Variants in CDH18 observed in about 807,000 individuals in gnomAD.
CDH18 encodes the protein cadherin 18, also known as cadherin-18.
Under a neutral mutation model 67.9 loss-of-function variants are expected in CDH18, and 31 were observed. The ratio of observed to expected loss-of-function variants is 0.46; its 90% CI spans 0.34 to 0.62. CDH18 has a LOEUF of 0.62. Ranked by LOEUF, CDH18 falls within the 20% of genes least tolerant of loss-of-function variation. The probability of loss-of-function intolerance (pLI) is 0.01; values close to 1 mark genes in which losing one functional copy is unlikely to be tolerated. For missense variants in CDH18, 890 were observed against 975.5 expected (o/e 0.91, Z 1.17); for synonymous variants, 362 against 347.2 (o/e 1.04, Z -0.48).
chr5:19,606,251 A>T (rs1748016054), intron 6 of CDH18, among the ~76,000 whole-genome samples: 1 of 152,074 alleles, frequency 6.6e-6, no homozygotes, highest in African/African-American at 2.4e-5. Context: ...ACAATCATGA[A>T]CCTCTGCAAC....
intron 3 of CDH18, among the ~76,000 whole-genome samples, chr5:19,801,932 T>G (rs1777517039): frequency 6.6e-6 from 1 of 152,168 alleles, no homozygotes; most frequent in African/African-American, 2.4e-5. Flanking sequence ...CCATTCTCTA[T>G]CTAAATGTTT....
chr5:19,890,641 C>T lies in CDH18; in HGVS notation c.-256-51399G>A, dbSNP rs546246924. On this transcript the variant is annotated intron_variant, in intron 2 of 12. Transcript: ENST00000382275. ...ACAAAGTCTTGCTCTGTCGCCCAGGCAGGAGTGCAGTGGCATAATCTTGGC... is the reference window on the plus strand; with the variant it reads ...ACAAAGTCTTGCTCTGTCGCCCAGGTAGGAGTGCAGTGGCATAATCTTGGC... 4.7e-5 allele frequency among the ~76,000 whole-genome samples: 7 copies of T among 150,146 alleles called. No homozygotes were observed. In the East Asian group the frequency reaches 1.2e-3, roughly 25 times the overall value.
At chr5:20,283,792 A>G (rs1319296788) in intron 1 of CDH18, among the ~76,000 whole-genome samples, 2 of 152,112 alleles carry the variant, frequency 1.3e-5, no homozygotes, top group Non-Finnish European at 2.9e-5. Flanking sequence ...GCAAAGATAT[A>G]TCAGCACTCC....
At chr5:20,425,216 A>T (rs998501819) in intron 1 of CDH18, among the ~76,000 whole-genome samples, 1 of 150,662 alleles carries the variant, frequency 6.6e-6, no homozygotes, top group Non-Finnish European at 1.5e-5. Context: ...AGATACAAAA[A>T]ATTAGCTGGG....
At chr5:20,354,399 C>G (rs1741440659) in intron 1 of CDH18, among the ~76,000 whole-genome samples, 2 of 152,138 alleles carry the variant, frequency 1.3e-5, no homozygotes, top group African/African-American at 4.8e-5. Context: ...TATGCTCTTA[C>G]TTAATTCCTG....
At chr5:20,510,724 C>T (rs1754980311) in intron 1 of CDH18, among the ~76,000 whole-genome samples, 1 of 151,912 alleles carries the variant, frequency 6.6e-6, no homozygotes, top group South Asian at 2.1e-4. Context: ...CTAGAGCTAC[C>T]AGTTTAACTA....
At chr5:19,634,292 C>T (rs1752799771) in intron 5 of CDH18, among the ~76,000 whole-genome samples, 1 of 152,072 alleles carries the variant, frequency 6.6e-6, no homozygotes, top group Admixed American at 6.5e-5. Flanking sequence ...ATTTCCCCAC[C>T]AGATAACTAG....
Position 20,164,918 on chromosome 5 carries a change from T to C in CDH18, c.-518+90526A>G, listed in dbSNP as rs1486352552. Reference sequence around the variant, plus strand: ...ATAAGCTTCATCTGCACCATTCTTATTTGCAGGTGCCTTTTTACTTCCTGA... The same window carrying C: ...ATAAGCTTCATCTGCACCATTCTTACTTGCAGGTGCCTTTTTACTTCCTGA... On this transcript the variant is annotated intron_variant, in intron 2 of 14. Coordinates refer to the CDH18 transcript ENST00000507958. Among the ~76,000 whole-genome samples, 13 of 152,270 alleles carry C rather than the reference T, an allele frequency of 8.5e-5. 1 individual carries two copies. In the East Asian group the frequency reaches 2.3e-3, roughly 27 times the overall value.
chr5:20,401,101 T>C (rs1416933773), intron 1 of CDH18, among the ~76,000 whole-genome samples: 1 of 152,204 alleles, frequency 6.6e-6, no homozygotes, highest in East Asian at 1.9e-4. Flanking sequence ...TTTTCCAGTG[T>C]TTTTGAATTG....
intron 1 of CDH18, among the ~76,000 whole-genome samples, chr5:20,363,125 A>G (rs1742218638): frequency 6.6e-6 from 1 of 152,190 alleles, no homozygotes; most frequent in Admixed American, 6.5e-5. Flanking sequence ...AACAAATTCA[A>G]CTGGTCTCAG....
chr5:20,287,748 A>G (rs1230856155), intron 1 of CDH18, among the ~76,000 whole-genome samples: 2 of 150,604 alleles, frequency 1.3e-5, no homozygotes, highest in Non-Finnish European at 3.0e-5. Flanking sequence ...TTTATTTTTT[A>G]GCACTATAGA....
chr5:20,322,857 T>C (rs1474459247), intron 1 of CDH18, among the ~76,000 whole-genome samples: 1 of 152,098 alleles, frequency 6.6e-6, no homozygotes, highest in Non-Finnish European at 1.5e-5. Flanking sequence ...AATAGAATAA[T>C]CAAGAGAATT....
chr5:19,679,136 G>T (rs1759903334), intron 5 of CDH18, among the ~76,000 whole-genome samples: 1 of 152,052 alleles, frequency 6.6e-6, no homozygotes, highest in East Asian at 1.9e-4. Context: ...ATGCAAATTT[G>T]GTTCAACATA....
intron 5 of CDH18, among the ~76,000 whole-genome samples, chr5:19,657,085 A>C (rs897987950): frequency 6.6e-6 from 1 of 152,008 alleles, no homozygotes; most frequent in Non-Finnish European, 1.5e-5. Flanking sequence ...CAAGGTTAGG[A>C]CAGTGCTAAT....
rs1447472900 is a variant in CDH18 at position 19,606,513 on chromosome 5, G to A, written c.811+5921C>T. Reference sequence around the variant, plus strand: ...CAAATAAAAATTTTAGAACAAAAATGTCAATGCTGAAGTGTGTACTTAATA... The same window carrying A: ...CAAATAAAAATTTTAGAACAAAAATATCAATGCTGAAGTGTGTACTTAATA... On this transcript the variant is annotated intron_variant, in intron 6 of 12. Transcript: ENST00000382275. Among the ~76,000 whole-genome samples the A allele has an allele frequency of 2.0e-5, 3 of 151,938 alleles. No homozygotes were observed. The East Asian group carries it at 5.8e-4, about 29-fold the overall frequency.
chr5:20,424,632 C>T, intron 1 of CDH18, among the ~76,000 whole-genome samples: 1 of 148,052 alleles, frequency 6.8e-6, no homozygotes, highest in Non-Finnish European at 1.5e-5. Flanking sequence ...GCCTGTAATC[C>T]CAGCTATCCA....
chr5:19,498,580 T>C (rs1396105502), intron 11 of CDH18, among the ~76,000 whole-genome samples: 2 of 152,180 alleles, frequency 1.3e-5, no homozygotes, highest in African/African-American at 4.8e-5. Flanking sequence ...AAAAAGTTAG[T>C]TTCGCTATCT....
At chr5:19,653,352 T>C (rs1321343693) in intron 5 of CDH18, among the ~76,000 whole-genome samples, 1 of 151,990 alleles carries the variant, frequency 6.6e-6, no homozygotes. Flanking sequence ...GAATAAGACC[T>C]AGAAGAAGGG....
intron 2 of CDH18, among the ~76,000 whole-genome samples, chr5:19,953,771 C>T (rs1561622180): frequency 6.6e-6 from 1 of 151,952 alleles, no homozygotes; most frequent in Non-Finnish European, 1.5e-5. Flanking sequence ...CTTCCATAGC[C>T]TTTTGCCTTG....
Sources: allele counts gnomAD v4.1 joint callset (sites outside exome capture counted in the v4.1 genomes callset), GRCh38; gene constraint gnomAD v4.1.1; transcripts MANE v1.5; gene names NCBI Gene and HGNC (gene_info 2026-07-23, HGNC 2026-07-21).